Variants in TBX15 observed in about 807,000 individuals in gnomAD.
TBX15 encodes the protein T-box transcription factor TBX15.
Under a neutral mutation model 53.9 loss-of-function variants are expected in TBX15, and 18 were observed. The ratio of observed to expected loss-of-function variants is 0.33; its 90% CI spans 0.23 to 0.49. The LOEUF is 0.49. Among genes scored for constraint, TBX15 ranks in the 20% least tolerant of loss-of-function variants. TBX15 has a pLI of 0.98. For missense variants in TBX15, 692 were observed against 749.5 expected (o/e 0.92, Z 0.90); for synonymous variants, 295 against 278.0 (o/e 1.06, Z -0.61).
intron 1 of TBX15, among the ~76,000 whole-genome samples, chr1:118,972,969 CA>C (rs1236199681): frequency 6.6e-6 from 1 of 152,068 alleles, no homozygotes; most frequent in African/African-American, 2.4e-5. Context: ...TAATTATGAG[CA>C]AGGTAGACAG....
At chr1:118,960,458 A>G (rs1324010272) in intron 1 of TBX15, among the ~76,000 whole-genome samples, 1 of 152,148 alleles carries the variant, frequency 6.6e-6, no homozygotes, top group African/African-American at 2.4e-5. Context: ...GGGTGGCCAG[A>G]CTCAGTGACT....
intron 7 of TBX15, among the ~76,000 whole-genome samples, chr1:118,892,866 T>C (rs1654194803): frequency 6.6e-6 from 1 of 152,200 alleles, no homozygotes; most frequent in Admixed American, 6.5e-5. Flanking sequence ...CTCCTCATAT[T>C]ATACGCACTG....
intron 1 of TBX15, among the ~76,000 whole-genome samples, chr1:118,940,397 T>C (rs1656133477): frequency 6.6e-6 from 1 of 151,954 alleles, no homozygotes; most frequent in African/African-American, 2.4e-5. Flanking sequence ...AAGATCACTG[T>C]CAATGTCAAA....
intron 1 of TBX15, among the ~76,000 whole-genome samples, chr1:118,979,635 T>C (rs1345948548): frequency 6.6e-6 from 1 of 152,212 alleles, no homozygotes; most frequent in Non-Finnish European, 1.5e-5. Flanking sequence ...GATTTGTTTT[T>C]GTTTTGTTTT....
At chr1:118,924,539 G>T (rs1655530579) in intron 4 of TBX15, 107 bp downstream of exon 4, 2 of 1,295,464 alleles carry the variant, frequency 1.5e-6, no homozygotes, top group Non-Finnish European at 2.2e-6. Flanking sequence ...ACTTAAAGTG[G>T]CATAGAGATT....
At chr1:118,893,452 G>A (rs1306523298) in intron 7 of TBX15, among the ~76,000 whole-genome samples, 1 of 119,232 alleles carries the variant, frequency 8.4e-6, no homozygotes, top group African/African-American at 3.4e-5. Flanking sequence ...AAGGAAAGAA[G>A]GAAGGAAGGA....
intron 7 of TBX15, among the ~76,000 whole-genome samples, chr1:118,893,440 GGAAGGAAA>G (rs1344188251): frequency 7.8e-6 from 1 of 128,490 alleles, no homozygotes; most frequent in Non-Finnish European, 1.6e-5. Context: ...AAGGAAGGAA[GGAAGGAAA>G]GAAGGAAGGA....
Position 118,884,919 on chromosome 1 carries a change from G to C in TBX15, c.1622C>G (p.Thr541Ser), listed in dbSNP as rs762979893. The C allele has an allele frequency of 6.2e-7, 1 of 1,614,206 alleles. No homozygotes were observed. The highest frequency in any genetic ancestry group is 8.5e-7 in the Non-Finnish European group (1 of 1,180,038). Residue 541 changes from threonine (T) to serine (S), a missense_variant, in exon 8 of 8, where the codon ACT (threonine) becomes AGT (serine). Thr to Ser is a moderately conservative substitution (Grantham distance 58). Transcript: ENST00000369429. Reference protein sequence around the residue: ...SPEKLSASQSTLLCSSPSNGA... With the variant: ...SPEKLSASQSSLLCSSPSNGA... ...GTTGGAAGGAGAAGAACAGAGTAAA[G>C]TGCTTTGAGAGGCGCTCAGTTTTTC...
At chr1:118,936,550 T>TA (rs1287850357) in intron 1 of TBX15, among the ~76,000 whole-genome samples, 4 of 152,044 alleles carry the variant, frequency 2.6e-5, no homozygotes, top group African/African-American at 4.8e-5. Flanking sequence ...ATCTTTCTGC[T>TA]AAAAAAAGTT....
intron 1 of TBX15, among the ~76,000 whole-genome samples, chr1:118,951,367 G>A (rs747122981): frequency 2.6e-5 from 4 of 152,192 alleles, no homozygotes; most frequent in Admixed American, 1.3e-4. Flanking sequence ...AAGAAGCAAC[G>A]ACAACTCTCT....
chr1:118,940,138 C>T (rs1431467957), intron 1 of TBX15, among the ~76,000 whole-genome samples: 34 of 151,808 alleles, frequency 2.2e-4, no homozygotes, highest in Non-Finnish European at 4.4e-5. Flanking sequence ...GCTCAGGCTG[C>T]TCAATCAGAA....
At chr1:118,891,050 C>T in intron 7 of TBX15, 1 of 631,780 alleles carries the variant, frequency 1.6e-6, no homozygotes, top group South Asian at 2.0e-5. Context: ...GTTTAATGAG[C>T]ACAGCACTGT....
chr1:118,948,312 C>T (rs890122316), intron 1 of TBX15, among the ~76,000 whole-genome samples: 1 of 151,942 alleles, frequency 6.6e-6, no homozygotes, highest in African/African-American at 2.4e-5. Flanking sequence ...ATCACATATC[C>T]TCTTACACAG....
intron 1 of TBX15, among the ~76,000 whole-genome samples, chr1:118,943,197 A>G (rs887789149): frequency 6.6e-6 from 1 of 152,228 alleles, no homozygotes; most frequent in South Asian, 2.1e-4. Flanking sequence ...ATATGCGTTA[A>G]GTCTTTTCTC....
At chr1:118,937,530 C>T (rs1656008997) in intron 1 of TBX15, among the ~76,000 whole-genome samples, 1 of 152,122 alleles carries the variant, frequency 6.6e-6, no homozygotes, top group Non-Finnish European at 1.5e-5. Flanking sequence ...TGCTTTGCCC[C>T]ATCTCATGTG....
At chr1:118,963,059 G>C (rs184624647) in intron 1 of TBX15, among the ~76,000 whole-genome samples, 78 of 152,274 alleles carry the variant, frequency 5.1e-4, no homozygotes, top group Admixed American at 3.5e-3. Flanking sequence ...ACATTGTCTA[G>C]TCTCTGAAAG....
chr1:118,904,426 C>T (rs916663199), intron 6 of TBX15, among the ~76,000 whole-genome samples: 1 of 152,132 alleles, frequency 6.6e-6, no homozygotes, highest in Non-Finnish European at 1.5e-5. Context: ...TTCTAAAAGA[C>T]CTCCCAGCAG....
chr1:118,922,909 T>G (rs1192371731), intron 5 of TBX15, among the ~76,000 whole-genome samples: 1 of 135,248 alleles, frequency 7.4e-6, no homozygotes, highest in African/African-American at 2.7e-5. Context: ...ATATTTATTG[T>G]CACATCACTG....
At chr1:118,887,064 C>T (rs942595310) in intron 7 of TBX15, among the ~76,000 whole-genome samples, 2 of 152,220 alleles carry the variant, frequency 1.3e-5, no homozygotes, top group African/African-American at 4.8e-5. Context: ...GCAGCATCTG[C>T]CTCCTGTCTC....
Sources: gnomAD v4.1 joint callset for allele counts (sites outside exome capture counted in the v4.1 genomes callset) on GRCh38, gnomAD v4.1.1 for gene constraint, MANE v1.5 for transcripts, NCBI Gene and HGNC (gene_info 2026-07-23, HGNC 2026-07-21) for gene names.